The following MED12L variants were observed in gnomAD, a reference collection of about 807,000 sequenced individuals.
MED12L encodes mediator of RNA polymerase II transcription subunit 12-like protein.
A neutral mutation model predicts 281.3 loss-of-function variants in MED12L; 60 were observed. The observed-to-expected ratio is 0.21, with a 90% CI of 0.17 to 0.26. The LOEUF is 0.26. MED12L is among the 10% of genes least tolerant of loss of function. The pLI, the probability that MED12L is intolerant of heterozygous loss-of-function variation, is 1.00. For synonymous variants in MED12L, 974 were observed against 987.2 expected (o/e 0.99, Z 0.25); for missense variants, 2,146 against 2,680.9 (o/e 0.80, Z 4.41).
At chr3:151,328,944 T>C (rs146597143) in intron 16 of MED12L, 15 of 1,613,748 alleles carry the variant, frequency 9.3e-6, no homozygotes, top group Non-Finnish European at 1.3e-5. Context: ...CGAGTGTCTC[T>C]GGGGCACCGC....
chr3:151,322,838 G>A (rs1749147164), intron 16 of MED12L, among the ~76,000 whole-genome samples: 1 of 151,996 alleles, frequency 6.6e-6, no homozygotes, highest in Non-Finnish European at 1.5e-5. Context: ...TATGGCCTCT[G>A]GGGTTCTCAT....
At chr3:151,223,990 T>G (rs548137454) in intron 16 of MED12L, among the ~76,000 whole-genome samples, 8 of 152,360 alleles carry the variant, frequency 5.3e-5, no homozygotes, top group Admixed American at 3.3e-4. Flanking sequence ...TCTGTGATAT[T>G]TTATTTCTTA....
In MED12L at chr3:151,377,025, T is replaced by C; in HGVS notation, c.4163T>C (p.Leu1388Pro). The C allele has an allele frequency of 6.2e-7, 1 of 1,614,044 alleles. No homozygotes were observed. Among genetic ancestry groups the C allele is most frequent in the Non-Finnish European group, 8.5e-7 (1 of 1,179,952 alleles). ...SGSVAEMNNL[L>P]DNIAKATIEV... is the part of the protein sequence containing the mutation. Reference sequence around the variant, plus strand: ...TCTGTGGCCGAAATGAACAACTTACTGGACAATATTGCAAAGGCAACAATA... The same window carrying C: ...TCTGTGGCCGAAATGAACAACTTACCGGACAATATTGCAAAGGCAACAATA... Residue 1388 changes from leucine (L) to proline (P), a missense_variant, in exon 30 of 45, where the codon CTG becomes CCG. By Grantham distance (98) the Leu-to-Pro change is moderately conservative (BLOSUM62 -3). Coordinates refer to ENST00000687756, the MANE Select transcript of MED12L (RefSeq NM_001393769.1).
rs141102863 is a variant in MED12L at position 151,214,379 on chromosome 3, A to G, written c.2250+20713A>G. On this transcript the variant is annotated intron_variant, in intron 16 of 44. Coordinates refer to ENST00000687756, the MANE Select transcript of MED12L (RefSeq NM_001393769.1). ...TGAACTGGTCACTCATAGGGCACTT[A>G]TGGCCTCCAAGACATTTGCTGAGTA... is the stretch of plus-strand genomic sequence containing the variant. The G allele has an allele frequency of 8.8e-5, 120 of 1,364,658 alleles. No homozygotes were observed. In the East Asian group the frequency reaches 2.7e-3, roughly 31 times the overall value. 84.5% of individuals were successfully genotyped at this position (1,364,658 alleles called of 1,614,324 possible). A position where few individuals can be genotyped will look rare whatever the true frequency, so the allele number is the denominator to read the frequency against.
intron 5 of MED12L, 125 bp downstream of exon 5, chr3:151,128,109 C>T: frequency 1.3e-6 from 1 of 793,740 alleles, no homozygotes; most frequent in Non-Finnish European, 2.0e-6. Flanking sequence ...GACTGATTTG[C>T]TCGGGTATGG....
intron 38 of MED12L, among the ~76,000 whole-genome samples, chr3:151,390,801 T>C (rs1714117318): frequency 6.6e-6 from 1 of 152,262 alleles, no homozygotes; most frequent in African/African-American, 2.4e-5. Flanking sequence ...TGATTTTTAT[T>C]ATAACTTGAG....
intron 19 of MED12L, among the ~76,000 whole-genome samples, chr3:151,356,568 A>G (rs939605556): frequency 9.2e-5 from 14 of 152,084 alleles, no homozygotes; most frequent in Non-Finnish European, 1.6e-4. Flanking sequence ...AATAATTATC[A>G]TTGGTGCCAA....
intron 2 of MED12L, among the ~76,000 whole-genome samples, chr3:151,099,832 A>G (rs982227188): frequency 1.2e-4 from 19 of 152,200 alleles, no homozygotes; most frequent in Admixed American, 1.2e-3. Context: ...AATGTGATAT[A>G]TTCATAAATA....
intron 16 of MED12L, among the ~76,000 whole-genome samples, chr3:151,261,849 C>T (rs575621673): frequency 4.9e-4 from 74 of 152,222 alleles, no homozygotes; most frequent in Non-Finnish European, 9.0e-4. Flanking sequence ...CTCAGCCTCC[C>T]GAGTAGCTGG....
intron 5 of MED12L, among the ~76,000 whole-genome samples, chr3:151,153,776 C>T (rs1014673124): frequency 8.6e-5 from 13 of 151,960 alleles, no homozygotes; most frequent in African/African-American, 3.1e-4. Flanking sequence ...GCCATGTTGG[C>T]CAGGCTGGTC....
chr3:151,145,278 AGCGAGTGCACT>A (rs1717610466), intron 5 of MED12L, among the ~76,000 whole-genome samples: 1 of 152,112 alleles, frequency 6.6e-6, no homozygotes, highest in South Asian at 2.1e-4. Flanking sequence ...GCCAGTGCAC[AGCGAGTGCACT>A]ACCAATATTG....
At chr3:151,186,742 CT>C (rs1232236660) in intron 12 of MED12L, among the ~76,000 whole-genome samples, 1 of 151,460 alleles carries the variant, frequency 6.6e-6, no homozygotes, top group African/African-American at 2.5e-5. Flanking sequence ...CTCAAGCACT[CT>C]TTCTCACGTC....
At chr3:151,419,823 C>T (rs1577609281) in intron 43 of MED12L, among the ~76,000 whole-genome samples, 1 of 152,150 alleles carries the variant, frequency 6.6e-6, no homozygotes, top group East Asian at 1.9e-4. Flanking sequence ...GATATGAAGT[C>T]AGTAAATCCT....
chr3:151,361,267 C>G (rs1754580959), intron 21 of MED12L, among the ~76,000 whole-genome samples: 1 of 152,060 alleles, frequency 6.6e-6, no homozygotes, highest in Admixed American at 6.6e-5. Context: ...TGCTGTTTAG[C>G]AGGTAACTTT....
At chr3:151,191,187 G>T (rs1190217436) in intron 14 of MED12L, among the ~76,000 whole-genome samples, 1 of 152,064 alleles carries the variant, frequency 6.6e-6, no homozygotes, top group Non-Finnish European at 1.5e-5. Context: ...TCATAGGATT[G>T]GAATTATATA....
At chr3:151,393,645 TAGGA>T (rs1366563508) in intron 38 of MED12L, among the ~76,000 whole-genome samples, 1 of 152,206 alleles carries the variant, frequency 6.6e-6, no homozygotes, top group Non-Finnish European at 1.5e-5. Flanking sequence ...GCTATCTATT[TAGGA>T]AACAAACCAG....
At chr3:151,251,804 TA>T (rs1220925634) in intron 16 of MED12L, among the ~76,000 whole-genome samples, 2 of 152,216 alleles carry the variant, frequency 1.3e-5, no homozygotes. Context: ...AATTGCATTT[TA>T]AAAAATTTCA....
intron 3 of MED12L, 25 bp downstream of exon 3, chr3:151,116,467 A>C (rs1180842040): frequency 1.3e-6 from 2 of 1,492,178 alleles, no homozygotes; most frequent in Non-Finnish European, 1.9e-6. Flanking sequence ...TTGTTTCCTC[A>C]AACTCCTGAA....
At chr3:151,377,300 C>G in intron 30 of MED12L, 122 bp downstream of exon 30, 1 of 738,092 alleles carries the variant, frequency 1.4e-6, no homozygotes, top group Non-Finnish European at 2.2e-6. Flanking sequence ...TACTTGTAAG[C>G]AGGGATTATT....
Sources: allele counts gnomAD v4.1 joint callset (sites outside exome capture counted in the v4.1 genomes callset), GRCh38; gene constraint gnomAD v4.1.1; transcripts MANE v1.5; gene names NCBI Gene and HGNC (gene_info 2026-07-23, HGNC 2026-07-21).